Variants in SLC6A11 observed in about 807,000 individuals in gnomAD.
SLC6A11 encodes solute carrier family 6 member 11.
Under a neutral mutation model 74.8 loss-of-function variants are expected in SLC6A11, and 25 were observed. The ratio of observed to expected loss-of-function variants is 0.33; its 90% CI spans 0.24 to 0.47. The LOEUF (loss-of-function observed/expected upper bound fraction) is 0.47, where lower values mean the gene tolerates loss of function less well. SLC6A11 is among the 20% of genes least tolerant of loss of function. The pLI, the probability that SLC6A11 is intolerant of heterozygous loss-of-function variation, is 1.00. For missense variants in SLC6A11, 574 were observed against 837.0 expected, an observed-to-expected ratio of 0.69 and a Z score of 3.88; for synonymous variants, 330 against 330.2, an observed-to-expected ratio of 1.00 and a Z score of 0.01.
intron 6 of SLC6A11, among the ~76,000 whole-genome samples, chr3:10,903,060 A>G (rs1313770400): frequency 6.6e-6 from 1 of 152,210 alleles, no homozygotes; most frequent in African/African-American, 2.4e-5. Context: ...GATCATCAGC[A>G]TGACTATCAT....
intron 7 of SLC6A11, among the ~76,000 whole-genome samples, chr3:10,913,870 T>G (rs963743204): frequency 6.6e-6 from 1 of 152,024 alleles, no homozygotes; most frequent in Non-Finnish European, 1.5e-5. Context: ...ATTTTTTGTA[T>G]TTTTAGTAGA....
intron 6 of SLC6A11, among the ~76,000 whole-genome samples, chr3:10,909,530 T>C (rs1167630939): frequency 3.3e-5 from 5 of 152,166 alleles, no homozygotes; most frequent in Admixed American, 6.5e-5. Context: ...TCAGTCAGGA[T>C]TGGGGAGCCA....
At chr3:10,854,840 CAT>C (rs202111784) in intron 5 of SLC6A11, among the ~76,000 whole-genome samples, 74 of 152,312 alleles carry the variant, frequency 4.9e-4, no homozygotes, top group East Asian at 3.5e-3. Context: ...TGTTTATACA[CAT>C]GTTTGTCCCA....
chr3:10,832,558 A>G (rs1363266741), intron 4 of SLC6A11, among the ~76,000 whole-genome samples: 1 of 152,236 alleles, frequency 6.6e-6, no homozygotes, highest in African/African-American at 2.4e-5. Flanking sequence ...CACAATAGGC[A>G]TATAAATGGG....
chr3:10,853,368 G>A (rs766444365), intron 5 of SLC6A11, among the ~76,000 whole-genome samples: 1 of 152,202 alleles, frequency 6.6e-6, no homozygotes. Context: ...GGGCACCCCC[G>A]CTTGCTGTCA....
intron 4 of SLC6A11, among the ~76,000 whole-genome samples, chr3:10,826,738 G>A (rs1002872154): frequency 6.6e-6 from 1 of 152,206 alleles, no homozygotes; most frequent in African/African-American, 2.4e-5. Context: ...TATGAGAAGA[G>A]TCAAAGTGGG....
chr3:10,876,157 G>A (rs1488457023), intron 6 of SLC6A11, among the ~76,000 whole-genome samples: 1 of 152,168 alleles, frequency 6.6e-6, no homozygotes, highest in Non-Finnish European at 1.5e-5. Flanking sequence ...GTTGGGGGAT[G>A]GTTAGTGCAG....
At chr3:10,912,485 AT>A (rs1695400397) in intron 7 of SLC6A11, among the ~76,000 whole-genome samples, 1 of 152,222 alleles carries the variant, frequency 6.6e-6, no homozygotes, top group Non-Finnish European at 1.5e-5. Context: ...TCCAGGATGG[AT>A]AAGTGACTTG....
At chr3:10,933,295 A>G in intron 11 of SLC6A11, 42 bp downstream of exon 11, 3 of 1,390,738 alleles carry the variant, frequency 2.2e-6, no homozygotes, top group Non-Finnish European at 3.1e-6. Flanking sequence ...GCTGCCCACC[A>G]GGTACCCAGG....
chr3:10,935,616 TCCTCAGAGCAAAC>T lies in SLC6A11; in HGVS notation c.1746+418_1746+430del, dbSNP rs755044387. ...CGTCTACCTGCTGTATCTCCTGCCA[TCCTCAGAGCAAAC>T]TGGGCGATAGGCATCATTTTCTGCA... On this transcript the variant is annotated intron_variant, in intron 13 of 13. Transcript: ENST00000254488. Among the ~76,000 whole-genome samples the T allele has an allele frequency of 6.6e-4, 100 of 152,136 alleles. 1 individual carries two copies. The highest frequency in any genetic ancestry group is 1.1e-3 in the Non-Finnish European group (78 of 68,032).
At chr3:10,900,066 TG>T in intron 6 of SLC6A11, among the ~76,000 whole-genome samples, 1 of 152,214 alleles carries the variant, frequency 6.6e-6, no homozygotes, top group African/African-American at 2.4e-5. Context: ...TGGGCAGAAA[TG>T]GGGGTTGGAT....
intron 4 of SLC6A11, among the ~76,000 whole-genome samples, chr3:10,830,576 G>T (rs1311741469): frequency 6.6e-6 from 1 of 152,160 alleles, no homozygotes; most frequent in Admixed American, 6.5e-5. Flanking sequence ...AAGTCAGCAG[G>T]TTTAGGGGGC....
intron 6 of SLC6A11, among the ~76,000 whole-genome samples, chr3:10,897,040 G>C (rs112747208): frequency 0.093 from 14,212 of 152,214 alleles, 774 homozygotes; most frequent in East Asian, 0.22. Context: ...GAGAGAATGA[G>C]AGCCAAGTGA....
At chr3:10,846,254 A>ACC (rs1694501366) in intron 5 of SLC6A11, among the ~76,000 whole-genome samples, 2 of 152,198 alleles carry the variant, frequency 1.3e-5, no homozygotes, top group Non-Finnish European at 2.9e-5. Context: ...GATGAGTAAA[A>ACC]CACAGCCTCT....
At chr3:10,841,218 C>CT (rs981832571) in intron 4 of SLC6A11, among the ~76,000 whole-genome samples, 1 of 152,134 alleles carries the variant, frequency 6.6e-6, no homozygotes, top group Non-Finnish European at 1.5e-5. Flanking sequence ...GTCTCTGGGT[C>CT]TTTTTTGGCC....
chr3:10,863,424 A>G (rs1694727818), intron 5 of SLC6A11, among the ~76,000 whole-genome samples: 1 of 152,244 alleles, frequency 6.6e-6, no homozygotes, highest in Non-Finnish European at 1.5e-5. Flanking sequence ...CATCTGCTGC[A>G]TTGCTATCCC....
intron 5 of SLC6A11, among the ~76,000 whole-genome samples, chr3:10,853,406 G>C (rs780192122): frequency 6.6e-6 from 1 of 152,216 alleles, no homozygotes; most frequent in Non-Finnish European, 1.5e-5. Context: ...ACTCACCCCA[G>C]TGCAGTCGGG....
chr3:10,887,507 C>G (rs1817570), intron 6 of SLC6A11, among the ~76,000 whole-genome samples: 76,085 of 152,020 alleles, frequency 0.5, 19,646 homozygotes, highest in East Asian at 0.72. Flanking sequence ...GTACAATGGC[C>G]TGATCTCGGC....
intron 4 of SLC6A11, among the ~76,000 whole-genome samples, chr3:10,841,308 C>T (rs912705093): frequency 2.6e-5 from 4 of 152,076 alleles, no homozygotes; most frequent in African/African-American, 9.7e-5. Context: ...ATTAAGAAAG[C>T]TTTTTCCCAG....
Sources: allele counts gnomAD v4.1 joint callset (sites outside exome capture counted in the v4.1 genomes callset), GRCh38; gene constraint gnomAD v4.1.1; transcripts MANE v1.5; gene names NCBI Gene and HGNC (gene_info 2026-07-23, HGNC 2026-07-21).